LYRM2: variants seen among roughly 807,000 people sequenced by gnomAD.
LYRM2 encodes the protein LYR motif containing 2.
Under a neutral mutation model 11.6 loss-of-function variants are expected in LYRM2, and 8 were observed. That is an observed-to-expected ratio of 0.69 (90% CI 0.40 to 1.24). The LOEUF is 1.24. LYRM2 is among the 50% of genes most tolerant of loss of function. LYRM2 has a pLI of 0.01. For synonymous variants in LYRM2, 30 were observed against 36.4 expected, an observed-to-expected ratio of 0.83 and a Z score of 0.63; for missense variants, 117 against 102.9, an observed-to-expected ratio of 1.14 and a Z score of -0.59.
rs1187022880 is a variant in LYRM2, at chr6:89,633,140, G to T, written c.*4133C>A. Reference sequence around the variant, plus strand: ...CACAGGGAAGAGACTACAGAAGAATGAGAAGGGTCAAAAGGACCTAGTGTG... The same window carrying T: ...CACAGGGAAGAGACTACAGAAGAATTAGAAGGGTCAAAAGGACCTAGTGTG... On this transcript the variant is annotated 3_prime_UTR_variant, in exon 3 of 3. Coordinates refer to ENST00000523377, the MANE Select transcript of LYRM2 (RefSeq NM_020466.5). 1 of 152,170 alleles carries T rather than the reference G, an allele frequency of 6.6e-6. No individual in the cohort carries two copies. Among genetic ancestry groups the T allele is most frequent in the African/African-American group, 2.4e-5 (1 of 41,430 alleles). 9.4% of individuals were successfully genotyped at this position (152,170 alleles called of 1,614,324 possible). A position where few individuals can be genotyped will look rare whatever the true frequency, so the allele number is the denominator to read the frequency against.
rs1027684804 is a variant in LYRM2, at chr6:89,634,627, CTT to C, written c.*2644_*2645del. 11 of 152,118 alleles carry C rather than the reference CTT, an allele frequency of 7.2e-5. No homozygotes were observed. The highest frequency in any genetic ancestry group is 1.6e-4 in the Non-Finnish European group (11 of 68,028). 9.4% of individuals were successfully genotyped at this position (152,118 alleles called of 1,614,324 possible). A position where few individuals can be genotyped will look rare whatever the true frequency, so the allele number is the denominator to read the frequency against. Reference sequence around the variant, plus strand: ...ATGAAAATCTGAAGCAGGTGGATCTCTTGAGCCCAGGAGCTCAAGGTTGCAGT... The same window carrying C: ...ATGAAAATCTGAAGCAGGTGGATCTCGAGCCCAGGAGCTCAAGGTTGCAGT... On this transcript the variant is annotated 3_prime_UTR_variant, in exon 3 of 3. Coordinates refer to ENST00000523377, the MANE Select transcript of LYRM2 (RefSeq NM_020466.5).
At chr6:89,638,181 G>T in intron 1 of LYRM2, 1 of 750,898 alleles carries the variant, frequency 1.3e-6, no homozygotes, top group Non-Finnish European at 1.8e-6. Context: ...TCAAAAAGAT[G>T]TTTTAAAGAA....
Position 89,633,130 on chromosome 6 carries a change from A to G in LYRM2, c.*4143T>C, listed in dbSNP as rs1807723205. On this transcript the variant is annotated 3_prime_UTR_variant, in exon 3 of 3. Coordinates refer to ENST00000523377, the MANE Select transcript of LYRM2 (RefSeq NM_020466.5). ...TGTCAAAAGTCACAGGGAAGAGACT[A>G]CAGAAGAATGAGAAGGGTCAAAAGG... The G allele has an allele frequency of 6.6e-6, 1 of 152,170 alleles. No individual in the cohort carries two copies. Among genetic ancestry groups the G allele is most frequent in the South Asian group, 2.1e-4 (1 of 4,824 alleles). The allele number at this position is 152,170 out of a possible 1,614,324, so 9.4% of individuals were successfully genotyped here.
intron 1 of LYRM2, chr6:89,638,311 T>TA (rs1388561999): frequency 4.2e-6 from 5 of 1,177,344 alleles, no homozygotes; most frequent in Non-Finnish European, 5.3e-6. Context: ...AAGTTGTTAT[T>TA]ACAACGACAG....
chr6:89,637,344 G>A lies in LYRM2; in HGVS notation c.196C>T (p.Arg66Trp), dbSNP rs142214691. The A allele has an allele frequency of 7.5e-5, 120 of 1,603,918 alleles. No individual in the cohort carries two copies. The highest frequency in any genetic ancestry group is 8.9e-5 in the Non-Finnish European group (104 of 1,171,572). ...NKSATEEDTIRMMITQGNMQL... is the reference protein window; with the variant it reads ...NKSATEEDTIWMMITQGNMQL... ...ATATTGCCTTGAGTAATCATCATCCGGATTGTATCCTGTAGAATAAAGTGA... is the reference window on the plus strand; with the variant it reads ...ATATTGCCTTGAGTAATCATCATCCAGATTGTATCCTGTAGAATAAAGTGA... Residue 66 changes from arginine to tryptophan, a missense_variant, in exon 3 of 3, where the codon CGG becomes TGG. By Grantham distance (101) the Arg-to-Trp change is moderately radical. Coordinates refer to ENST00000523377, the MANE Select transcript of LYRM2 (RefSeq NM_020466.5).
At chr6:89,637,909 T>C in intron 1 of LYRM2, 27 bp from the exon 2 acceptor site, 1 of 1,605,932 alleles carries the variant, frequency 6.2e-7, no homozygotes, top group Non-Finnish European at 8.5e-7. Flanking sequence ...TAAATAGCAA[T>C]TACTACTGCA....
rs1268137621 is a variant in LYRM2 at position 89,635,930 on chromosome 6, G to A, written c.*1343C>T. The A allele has an allele frequency of 6.4e-6, 1 of 156,114 alleles. No homozygotes were observed. 9.7% of individuals were successfully genotyped at this position (156,114 alleles called of 1,614,324 possible). Reference sequence around the variant, plus strand: ...TTCTTTCTGGTAAGTGCTTCAATGTGCTCATTAAGCTTCTCTTTCTCTTCC... The same window carrying A: ...TTCTTTCTGGTAAGTGCTTCAATGTACTCATTAAGCTTCTCTTTCTCTTCC... On this transcript the variant is annotated 3_prime_UTR_variant, in exon 3 of 3. Coordinates refer to ENST00000523377, the MANE Select transcript of LYRM2 (RefSeq NM_020466.5).
rs988337330 is a variant in LYRM2, at chr6:89,634,094, A to G, written c.*3179T>C. Reference sequence around the variant, plus strand: ...ACTGGACAAAGGGGAAGGACAAAACATCATTTGCAATAGTTAAAGGTTATG... The same window carrying G: ...ACTGGACAAAGGGGAAGGACAAAACGTCATTTGCAATAGTTAAAGGTTATG... On this transcript the variant is annotated 3_prime_UTR_variant, in exon 3 of 3. Coordinates refer to ENST00000523377, the MANE Select transcript of LYRM2 (RefSeq NM_020466.5). The G allele has an allele frequency of 3.5e-4, 54 of 152,368 alleles. No individual in the cohort carries two copies. Among genetic ancestry groups the G allele is most frequent in the African/African-American group, 1.3e-3 (52 of 41,584 alleles). The allele number at this position is 152,368 out of a possible 1,614,324, so 9.4% of individuals were successfully genotyped here.
At position 89,634,058 on chromosome 6, in the gene LYRM2, AT is replaced by A. The variant is rs997076399; in HGVS notation, c.*3214del. The A allele has an allele frequency of 1.8e-4, 28 of 152,378 alleles. No homozygotes were observed. Among genetic ancestry groups the A allele is most frequent in the African/African-American group, 6.5e-4 (27 of 41,598 alleles). 9.4% of individuals were successfully genotyped at this position (152,378 alleles called of 1,614,324 possible). A position where few individuals can be genotyped will look rare whatever the true frequency, so the allele number is the denominator to read the frequency against. ...AGCTTAAATGTTTAAACTGTTGACC[AT>A]TTGGAAAATACTGGACAAAGGGGAA... On this transcript the variant is annotated 3_prime_UTR_variant, in exon 3 of 3. Transcript: ENST00000523377.
Position 89,637,901 on chromosome 6 carries a change from A to C in LYRM2, c.46-19T>G, listed in dbSNP as rs1261932167. The C allele has an allele frequency of 6.2e-7, 1 of 1,610,202 alleles. No individual in the cohort carries two copies. ...TTACGAACTGTAAAAGGGAGGAGTA[A>C]ATAGCAATTACTACTGCACAATCGC... On this transcript the variant is annotated intron_variant, in intron 1 of 2. Coordinates refer to ENST00000523377, the MANE Select transcript of LYRM2 (RefSeq NM_020466.5).
rs1807726448 is a variant in LYRM2 at position 89,633,149 on chromosome 6, C to CA, written c.*4123dup. 1 of 152,096 alleles carries CA rather than the reference C, an allele frequency of 6.6e-6. No homozygotes were observed. Among genetic ancestry groups the CA allele is most frequent in the Admixed American group, 6.6e-5 (1 of 15,262 alleles). The allele number at this position is 152,096 out of a possible 1,614,324, so 9.4% of individuals were successfully genotyped here. On this transcript the variant is annotated 3_prime_UTR_variant, in exon 3 of 3. Coordinates refer to ENST00000523377, the MANE Select transcript of LYRM2 (RefSeq NM_020466.5). ...GAGACTACAGAAGAATGAGAAGGGT[C>CA]AAAAGGACCTAGTGTGGCTTACTAC...
chr6:89,637,687 T>C (rs1216275250), intron 2 of LYRM2, 55 bp downstream of exon 2: 1 of 1,555,908 alleles, frequency 6.4e-7, no homozygotes, highest in East Asian at 2.3e-5. Context: ...AAAAAAAAAA[T>C]TCACTGATCA....
rs1181475290 is a variant in LYRM2 at position 89,636,613 on chromosome 6, TCAC to T, written c.*657_*659del. 2.0e-5 allele frequency: 3 copies of T among 152,096 alleles called. No individual in the cohort carries two copies. The highest frequency in any genetic ancestry group is 4.4e-5 in the Non-Finnish European group (3 of 68,024). The allele number at this position is 152,096 out of a possible 1,614,324, so 9.4% of individuals were successfully genotyped here. ...AGGGTTCTGTAATTTCTGTACATCT[TCAC>T]CAAGACTTATTATTATTTCTCTTTT... On this transcript the variant is annotated 3_prime_UTR_variant, in exon 3 of 3. Transcript: ENST00000523377.
Position 89,637,027 on chromosome 6 carries a change from C to T in LYRM2, c.*246G>A. On this transcript the variant is annotated 3_prime_UTR_variant, in exon 3 of 3. Transcript: ENST00000523377. ...CTTCCCTAATGATTGTGTCCAGCAT[C>T]TACTGGCCATTTGTTAGTGGTTTTT... is the stretch of plus-strand genomic sequence containing the variant. 2.7e-6 allele frequency: 1 copy of T among 368,956 alleles called. No individual in the cohort carries two copies. Among genetic ancestry groups the T allele is most frequent in the Non-Finnish European group, 4.9e-6 (1 of 202,690 alleles). The allele number at this position is 368,956 out of a possible 1,614,324, so 22.9% of individuals were successfully genotyped here.
chr6:89,636,749 A>G lies in LYRM2; in HGVS notation c.*524T>C, dbSNP rs534129952. 6.8e-6 allele frequency: 1 copy of G among 148,050 alleles called. No homozygotes were observed. The highest frequency in any genetic ancestry group is 2.5e-5 in the African/African-American group (1 of 40,028). The allele number at this position is 148,050 out of a possible 1,614,324, so 9.2% of individuals were successfully genotyped here. On this transcript the variant is annotated 3_prime_UTR_variant, in exon 3 of 3. Coordinates refer to ENST00000523377, the MANE Select transcript of LYRM2 (RefSeq NM_020466.5). ...GGCTGAAGTGCAGTGGCACGACCTCAGCTCACTGCAACCTCCACTTCCTGG... is the reference window on the plus strand; with the variant it reads ...GGCTGAAGTGCAGTGGCACGACCTCGGCTCACTGCAACCTCCACTTCCTGG...
Position 89,637,342 on chromosome 6 carries a change from C to A in LYRM2, c.198G>T (p.Arg66=), listed in dbSNP as rs781295582. The change falls in exon 3 of 3, where the codon CGG becomes CGT. Residue 66 remains arginine (R), a synonymous_variant. Transcript: ENST00000523377. ...NKSATEEDTI[R]MMITQGNMQL... is the part of the protein sequence containing the mutation. ...GCATATTGCCTTGAGTAATCATCAT[C>A]CGGATTGTATCCTGTAGAATAAAGT... is the stretch of plus-strand genomic sequence containing the variant. 1.2e-6 allele frequency: 2 copies of A among 1,605,824 alleles called. No homozygotes were observed. Among genetic ancestry groups the A allele is most frequent in the African/African-American group, 2.7e-5 (2 of 74,748 alleles).
At chr6:89,638,534 C>T (rs918856968) in intron 1 of LYRM2, 138 bp downstream of exon 1, 32 of 1,568,002 alleles carry the variant, frequency 2.0e-5, no homozygotes, top group African/African-American at 2.7e-5. Context: ...AGCACCGCCC[C>T]GCAGGCATCG....
rs11754238 is a variant in LYRM2 at position 89,635,817 on chromosome 6, T to A, written c.*1456A>T. On this transcript the variant is annotated 3_prime_UTR_variant, in exon 3 of 3. Transcript: ENST00000523377. ...ATTCTCTTTGTTTTTTTTCCTGTCA[T>A]TGGAGAACTGCACCCAGAATCTTAT... 1.3e-5 allele frequency: 2 copies of A among 152,158 alleles called. No individual in the cohort carries two copies. The highest frequency in any genetic ancestry group is 2.9e-5 in the Non-Finnish European group (2 of 68,018). 9.4% of individuals were successfully genotyped at this position (152,158 alleles called of 1,614,324 possible).
At position 89,637,251 on chromosome 6, in the gene LYRM2, A is replaced by G; in HGVS notation, c.*22T>C. On this transcript the variant is annotated 3_prime_UTR_variant, in exon 3 of 3. Coordinates refer to ENST00000523377, the MANE Select transcript of LYRM2 (RefSeq NM_020466.5). ...AACAAAACACATGGAGACTTTGAAA[A>G]TCCTTCAGAATAATGCTATAGTTAA... The G allele has an allele frequency of 1.7e-6, 2 of 1,169,442 alleles. No homozygotes were observed. The highest frequency in any genetic ancestry group is 2.6e-6 in the Non-Finnish European group (2 of 783,978). The allele number at this position is 1,169,442 out of a possible 1,614,324, so 72.4% of individuals were successfully genotyped here.
Sources: allele counts gnomAD v4.1 joint callset, GRCh38; gene constraint gnomAD v4.1.1; transcripts MANE v1.5; gene names NCBI Gene and HGNC (gene_info 2026-07-23, HGNC 2026-07-21).